RGS7: variants seen among roughly 807,000 people sequenced by gnomAD.
RGS7 encodes the protein regulator of G-protein signaling 7.
In RGS7, 27 loss-of-function variants were observed where a neutral mutation model predicts 81.1. That is an observed-to-expected ratio of 0.33 (90% CI 0.25 to 0.46). RGS7 has a LOEUF of 0.46. Ranked by LOEUF, RGS7 falls within the 20% of genes least tolerant of loss-of-function variation. RGS7 has a pLI of 1.00. For missense variants in RGS7, 396 were observed against 607.4 expected (o/e 0.65, Z 3.66); for synonymous variants, 208 against 207.7 (o/e 1.00, Z -0.01).
chr1:241,203,749 AT>A (rs1232298651), intron 2 of RGS7, among the ~76,000 whole-genome samples: 1 of 152,188 alleles, frequency 6.6e-6, no homozygotes, highest in African/African-American at 2.4e-5. Flanking sequence ...CCACAACTCA[AT>A]TTTTAAAAAT....
intron 2 of RGS7, among the ~76,000 whole-genome samples, chr1:241,106,162 A>G (rs1313964325): frequency 6.6e-6 from 1 of 152,248 alleles, no homozygotes; most frequent in African/African-American, 2.4e-5. Flanking sequence ...TGAAAGTTAA[A>G]TTAAGAATAA....
intron 2 of RGS7, among the ~76,000 whole-genome samples, chr1:241,202,011 G>GAAGAACACACACACACACACACACAC (rs138116326): frequency 9.7e-5 from 14 of 145,068 alleles, no homozygotes; most frequent in South Asian, 2.2e-4. Context: ...GACACACACA[G>GAAGAACACACACACACACACACACAC]ACACACACAC....
At chr1:240,849,479 T>A (rs716743) in intron 9 of RGS7, among the ~76,000 whole-genome samples, 122,376 of 152,192 alleles carry the variant, frequency 0.8, 49,638 homozygotes, top group African/African-American at 0.9. Context: ...GAGGACAAAA[T>A]TAATGCCAAC....
chr1:240,816,682 T>G (rs1342278727), intron 10 of RGS7, among the ~76,000 whole-genome samples: 1 of 152,208 alleles, frequency 6.6e-6, no homozygotes, highest in African/African-American at 2.4e-5. Context: ...TGATAAAATT[T>G]GAGAGCAAGC....
Position 240,936,669 on chromosome 1 carries a change from G to A in RGS7, c.264C>T (p.His88=), listed in dbSNP as rs116248147. 2.5e-5 allele frequency: 40 copies of A among 1,614,020 alleles called. No individual in the cohort carries two copies. The highest frequency in any genetic ancestry group is 1.3e-4 in the East Asian group (6 of 44,862). ...GATCTGAGATTGGAAAGAAGTAGCC[G>A]TGGGCAGCCATTAATGTTCCCAAAT... ...ALHLGTLMAA[H]GYFFPISDHV... is the part of the protein sequence containing the mutation. Residue 88 remains histidine (H), a synonymous_variant, in exon 5 of 19, where the codon CAC becomes CAT. Coordinates refer to ENST00000440928, the MANE Select transcript of RGS7 (RefSeq NM_001364886.1).
intron 18 of RGS7, among the ~76,000 whole-genome samples, chr1:240,795,812 A>C (rs1470931267): frequency 6.6e-6 from 1 of 152,250 alleles, no homozygotes; most frequent in East Asian, 1.9e-4. Flanking sequence ...AGAATATTTA[A>C]ATATAATTCA....
rs551203805 is a variant in RGS7, at chr1:241,333,200, C to A, written c.78+22499G>T. 2.0e-5 allele frequency among the ~76,000 whole-genome samples: 3 copies of A among 152,326 alleles called. No homozygotes were observed. The South Asian group carries it at 6.2e-4, about 32-fold the overall frequency. On this transcript the variant is annotated intron_variant, in intron 2 of 18. Transcript: ENST00000440928. ...TGCTACAATATTGTCATTTGCCTCCCTTAGCTTTCTCTACCACTTTCCTCT... is the reference window on the plus strand; with the variant it reads ...TGCTACAATATTGTCATTTGCCTCCATTAGCTTTCTCTACCACTTTCCTCT...
At chr1:241,168,572 T>A (rs1166524572) in intron 2 of RGS7, among the ~76,000 whole-genome samples, 1 of 152,096 alleles carries the variant, frequency 6.6e-6, no homozygotes, top group African/African-American at 2.4e-5. Context: ...GGGTTATCAC[T>A]CCCCTGACTA....
intron 14 of RGS7, among the ~76,000 whole-genome samples, chr1:240,806,665 ATT>A (rs1688909909): frequency 6.6e-6 from 1 of 152,074 alleles, no homozygotes; most frequent in Admixed American, 6.6e-5. Context: ...TATAACACTG[ATT>A]TTACCTAAGG....
chr1:241,305,243 T>C (rs1449111705), intron 2 of RGS7, among the ~76,000 whole-genome samples: 1 of 152,196 alleles, frequency 6.6e-6, no homozygotes, highest in Admixed American at 6.5e-5. Flanking sequence ...AACTTTTGAA[T>C]AGAAAACAAG....
At chr1:241,322,141 T>C (rs2081249466) in intron 2 of RGS7, among the ~76,000 whole-genome samples, 1 of 152,198 alleles carries the variant, frequency 6.6e-6, no homozygotes, top group South Asian at 2.1e-4. Context: ...AATGTCTCTG[T>C]CCTCTACGTT....
At chr1:241,016,405 C>T (rs897181904) in intron 3 of RGS7, among the ~76,000 whole-genome samples, 2 of 152,034 alleles carry the variant, frequency 1.3e-5, no homozygotes, top group African/African-American at 4.8e-5. Flanking sequence ...GTAGTCTCAG[C>T]TATTTGGGAG....
At chr1:241,310,800 C>A (rs55692149) in intron 2 of RGS7, among the ~76,000 whole-genome samples, 1 of 152,230 alleles carries the variant, frequency 6.6e-6, no homozygotes, top group Non-Finnish European at 1.5e-5. Flanking sequence ...AATTTAAGAT[C>A]CTTGCCTTGC....
At chr1:241,046,310 C>CTCCT (rs1553399797) in intron 3 of RGS7, among the ~76,000 whole-genome samples, 28,378 of 149,766 alleles carry the variant, frequency 0.19, 3,025 homozygotes, top group Non-Finnish European at 0.24. Flanking sequence ...TGACCCCCCC[C>CTCCT]CCCTTTTCTA....
At chr1:241,274,008 A>G (rs7555768) in intron 2 of RGS7, among the ~76,000 whole-genome samples, 128,430 of 152,204 alleles carry the variant, frequency 0.84, 54,391 homozygotes, top group East Asian at 1. Context: ...TAGTCCACCA[A>G]GAATAAAAGC....
In RGS7 at chr1:240,929,017, T is replaced by C. The variant is rs137892995; in HGVS notation, c.385+1700A>G. Among the ~76,000 whole-genome samples, 1,284 of 152,336 alleles carry C rather than the reference T, an allele frequency of 8.4e-3. 13 individuals are homozygous for C. Among genetic ancestry groups the C allele is most frequent in the Non-Finnish European group, 0.012 (783 of 68,020 alleles). On this transcript the variant is annotated intron_variant, in intron 6 of 18. Coordinates refer to ENST00000440928, the MANE Select transcript of RGS7 (RefSeq NM_001364886.1). Reference sequence around the variant, plus strand: ...TGTATTGAGTATGTGAGAGGACCAATACTAGTTTCCTTAGCTGTATTAATT... The same window carrying C: ...TGTATTGAGTATGTGAGAGGACCAACACTAGTTTCCTTAGCTGTATTAATT...
At chr1:240,944,282 G>GTGTGTGTATATATA (rs1352421845) in intron 4 of RGS7, among the ~76,000 whole-genome samples, 3 of 55,820 alleles carry the variant, frequency 5.4e-5, no homozygotes, top group African/African-American at 2.6e-4. Context: ...GTGTGTGTGT[G>GTGTGTGTATATATA]TATATATATA....
At chr1:241,346,664 G>T (rs1235124811) in intron 2 of RGS7, among the ~76,000 whole-genome samples, 1 of 152,200 alleles carries the variant, frequency 6.6e-6, no homozygotes, top group South Asian at 2.1e-4. Flanking sequence ...GTCTTGGGAG[G>T]TCACTCAGTC....
At chr1:241,331,208 T>C (rs1200485323) in intron 2 of RGS7, among the ~76,000 whole-genome samples, 1 of 152,168 alleles carries the variant, frequency 6.6e-6, no homozygotes, top group Non-Finnish European at 1.5e-5. Context: ...GTGCTGCTGA[T>C]TATTGAACTG....
Sources: allele counts gnomAD v4.1 joint callset (sites outside exome capture counted in the v4.1 genomes callset), GRCh38; gene constraint gnomAD v4.1.1; transcripts MANE v1.5; gene names NCBI Gene and HGNC (gene_info 2026-07-23, HGNC 2026-07-21).